Variants in PDZRN4 observed in about 807,000 individuals in gnomAD.
The protein encoded by PDZRN4 is PDZ domain containing ring finger 4.
Under a neutral mutation model 99.0 loss-of-function variants are expected in PDZRN4, and 70 were observed. The ratio of observed to expected loss-of-function variants is 0.71; its 90% CI spans 0.58 to 0.86. The LOEUF (loss-of-function observed/expected upper bound fraction) is 0.86. PDZRN4 is among the 40% of genes least tolerant of loss of function. The pLI, the probability that PDZRN4 is intolerant of heterozygous loss-of-function variation, is 0.00. For missense variants in PDZRN4, 1,474 were observed against 1,331.2 expected, an observed-to-expected ratio of 1.11 and a Z score of -1.67; for synonymous variants, 551 against 501.6, an observed-to-expected ratio of 1.10 and a Z score of -1.32.
intron 3 of PDZRN4, among the ~76,000 whole-genome samples, chr12:41,399,974 G>A (rs968409297): frequency 2.6e-5 from 4 of 152,084 alleles, no homozygotes; most frequent in East Asian, 1.9e-4. Flanking sequence ...GGGGAAGAGA[G>A]AGAGAACGTT....
intron 3 of PDZRN4, among the ~76,000 whole-genome samples, chr12:41,272,367 C>G (rs1951319920): frequency 6.6e-6 from 1 of 151,942 alleles, no homozygotes; most frequent in Non-Finnish European, 1.5e-5. Flanking sequence ...ATAAAATATT[C>G]TTAAATGGAA....
chr12:41,188,737 G>A lies in PDZRN4; in HGVS notation c.282G>A (p.Leu94=), dbSNP rs745638939. 9.7e-6 allele frequency: 15 copies of A among 1,542,432 alleles called. No homozygotes were observed. Among genetic ancestry groups the A allele is most frequent in the East Asian group, 2.4e-5 (1 of 40,842 alleles). ...RARGCGHSVR[L]HELEAHVEHC... ...GCGGCTGCGGCCACTCGGTCAGGCT[G>A]CACGAGCTGGAGGCGCACGTCGAGC... The change falls in exon 1 of 10, where the codon CTG becomes CTA. Residue 94 remains leucine (L), a synonymous_variant. Transcript: ENST00000402685.
chr12:41,217,113 G>C (rs971163079), intron 3 of PDZRN4, among the ~76,000 whole-genome samples: 5 of 152,098 alleles, frequency 3.3e-5, no homozygotes, highest in Non-Finnish European at 7.4e-5. Flanking sequence ...AGTTTAAGCA[G>C]CAGATGAGGC....
At chr12:41,349,637 A>G (rs1951877306) in intron 3 of PDZRN4, among the ~76,000 whole-genome samples, 1 of 152,026 alleles carries the variant, frequency 6.6e-6, no homozygotes, top group African/African-American at 2.4e-5. Context: ...AATTAACTCT[A>G]TATTCGACAT....
At chr12:41,557,642 T>C (rs1939191096) in intron 7 of PDZRN4, among the ~76,000 whole-genome samples, 1 of 151,730 alleles carries the variant, frequency 6.6e-6, no homozygotes, top group African/African-American at 2.4e-5. Flanking sequence ...CACCATCTCC[T>C]CACCGCCTGT....
intron 3 of PDZRN4, among the ~76,000 whole-genome samples, chr12:41,237,628 T>C (rs559017188): frequency 5.5e-4 from 84 of 152,344 alleles, no homozygotes; most frequent in Admixed American, 9.8e-4. Context: ...TTAATCCATC[T>C]TGAGTTAATT....
chr12:41,203,551 T>C (rs548563257), intron 3 of PDZRN4, among the ~76,000 whole-genome samples: 39 of 152,120 alleles, frequency 2.6e-4, no homozygotes, highest in Admixed American at 1.9e-3. Flanking sequence ...AAGCATTCTT[T>C]AGGTTTTTTA....
At chr12:41,513,899 G>A (rs929035409) in intron 5 of PDZRN4, among the ~76,000 whole-genome samples, 3 of 152,016 alleles carry the variant, frequency 2.0e-5, no homozygotes, top group South Asian at 2.1e-4. Flanking sequence ...ACCAATACAC[G>A]AAAAATTTAG....
rs1219852515 is a variant in PDZRN4, at chr12:41,188,421, C to G, written c.-35C>G. The G allele has an allele frequency of 6.6e-6, 10 of 1,516,048 alleles. 1 individual carries two copies. The South Asian group carries it at 1.1e-4, about 17-fold the overall frequency. 93.9% of individuals were successfully genotyped at this position (1,516,048 alleles called of 1,614,324 possible). A position where few individuals can be genotyped will look rare whatever the true frequency, so the allele number is the denominator to read the frequency against. The stretch of plus-strand genomic sequence containing the variant: ...CAGGGGGGCTCGGAGAAGACGGACT[C>G]TGCTTTCGCTCCCCCTTTCTTCCCC... On this transcript the variant is annotated 5_prime_UTR_variant, in exon 1 of 10. Coordinates refer to ENST00000402685, the MANE Select transcript of PDZRN4 (RefSeq NM_001164595.2).
chr12:41,561,199 T>C (rs1939263474), intron 7 of PDZRN4, among the ~76,000 whole-genome samples: 1 of 152,186 alleles, frequency 6.6e-6, no homozygotes, highest in South Asian at 2.1e-4. Context: ...TAGATATCTT[T>C]TAAAATAAAA....
At chr12:41,332,196 C>T (rs530404725) in intron 3 of PDZRN4, among the ~76,000 whole-genome samples, 1 of 152,166 alleles carries the variant, frequency 6.6e-6, no homozygotes, top group South Asian at 2.1e-4. Context: ...ATTAAGACGG[C>T]AGATGGTTAC....
chr12:41,262,984 CACTA>C (rs939153057), intron 3 of PDZRN4, among the ~76,000 whole-genome samples: 6 of 145,302 alleles, frequency 4.1e-5, no homozygotes, highest in Non-Finnish European at 7.4e-5. Flanking sequence ...AAATATATCT[CACTA>C]ACTAAACCAC....
At chr12:41,302,853 A>G (rs552086932) in intron 3 of PDZRN4, among the ~76,000 whole-genome samples, 1 of 152,084 alleles carries the variant, frequency 6.6e-6, no homozygotes, top group Admixed American at 6.6e-5. Context: ...AGGGTACCCT[A>G]AAGGGTAAAT....
At chr12:41,487,302 A>C (rs932736381) in intron 3 of PDZRN4, among the ~76,000 whole-genome samples, 1 of 152,098 alleles carries the variant, frequency 6.6e-6, no homozygotes, top group Non-Finnish European at 1.5e-5. Context: ...AAGGAGGAAG[A>C]AACTAATCCC....
chr12:41,300,715 A>G (rs1223805509), intron 3 of PDZRN4, among the ~76,000 whole-genome samples: 1 of 151,954 alleles, frequency 6.6e-6, no homozygotes, highest in Non-Finnish European at 1.5e-5. Context: ...AGGGCCTTTC[A>G]CATACTGGTC....
At chr12:41,507,475 C>T (rs1458170) in intron 4 of PDZRN4, among the ~76,000 whole-genome samples, 22,685 of 152,102 alleles carry the variant, frequency 0.15, 1,778 homozygotes, top group South Asian at 0.24. Context: ...TTTTCATCAC[C>T]TACTCCAATC....
intron 3 of PDZRN4, among the ~76,000 whole-genome samples, chr12:41,345,452 T>C (rs772608774): frequency 2.6e-5 from 4 of 152,238 alleles, no homozygotes; most frequent in East Asian, 1.9e-4. Flanking sequence ...GAGGAGGAAA[T>C]TGACAAAGGG....
intron 3 of PDZRN4, among the ~76,000 whole-genome samples, chr12:41,296,939 G>A (rs1287639373): frequency 6.6e-6 from 1 of 152,108 alleles, no homozygotes; most frequent in Non-Finnish European, 1.5e-5. Flanking sequence ...GCCTGGGCAA[G>A]AGAGCAAGAC....
intron 3 of PDZRN4, among the ~76,000 whole-genome samples, chr12:41,469,477 C>G (rs992211225): frequency 1.3e-5 from 2 of 152,178 alleles, no homozygotes; most frequent in Non-Finnish European, 2.9e-5. Flanking sequence ...ACTTGTACTG[C>G]TGTGTTCCTT....
Sources: gnomAD v4.1 joint callset for allele counts (sites outside exome capture counted in the v4.1 genomes callset) on GRCh38, gnomAD v4.1.1 for gene constraint, MANE v1.5 for transcripts, NCBI Gene and HGNC (gene_info 2026-07-23, HGNC 2026-07-21) for gene names.